SCAI: variants seen among roughly 807,000 people sequenced by gnomAD.
SCAI encodes the protein protein SCAI.
Under a neutral mutation model 92.2 loss-of-function variants are expected in SCAI, and 24 were observed. The observed-to-expected ratio is 0.26, with a 90% CI of 0.19 to 0.37. The LOEUF (loss-of-function observed/expected upper bound fraction) is 0.37, where lower values mean the gene tolerates loss of function less well. Ranked by LOEUF, SCAI falls within the 10% of genes least tolerant of loss-of-function variation. The pLI, the probability that SCAI is intolerant of heterozygous loss-of-function variation, is 1.00. For synonymous variants in SCAI, 261 were observed against 258.6 expected, an observed-to-expected ratio of 1.01 and a Z score of -0.09; for missense variants, 450 against 736.2, an observed-to-expected ratio of 0.61 and a Z score of 4.50.
chr9:125,098,038 CATATATATATGTGTATATACACAT>C (rs1389279518), intron 2 of SCAI, among the ~76,000 whole-genome samples: 1 of 150,516 alleles, frequency 6.6e-6, no homozygotes, highest in African/African-American at 2.4e-5. Flanking sequence ...TATACACACA[CATATATATATGTGTATATACACAT>C]ATATATATAT....
chr9:125,056,698 G>A (rs375068219), intron 2 of SCAI, among the ~76,000 whole-genome samples: 3 of 152,092 alleles, frequency 2.0e-5, no homozygotes, highest in African/African-American at 7.2e-5. Flanking sequence ...CCACAAATGG[G>A]AAAACACTTT....
At chr9:125,140,690 C>CAAA (rs35807255) in intron 2 of SCAI, among the ~76,000 whole-genome samples, 9,380 of 76,362 alleles carry the variant, frequency 0.12, 814 homozygotes, top group Non-Finnish European at 0.17. Flanking sequence ...CTTGTCTCTA[C>CAAA]AAAAAAAAAA....
chr9:124,943,697 A>G lies in SCAI; in HGVS notation c.*9110T>C, dbSNP rs895663803. 1 of 152,206 alleles carries G rather than the reference A, an allele frequency of 6.6e-6. No individual in the cohort carries two copies. The highest frequency in any genetic ancestry group is 6.5e-5 in the Admixed American group (1 of 15,284). 9.4% of individuals were successfully genotyped at this position (152,206 alleles called of 1,614,324 possible). ...CTGCCTAATAATCAGAATGTAGACAATAAGTTCAGCATTATTTTCAAGGGA... is the reference window on the plus strand; with the variant it reads ...CTGCCTAATAATCAGAATGTAGACAGTAAGTTCAGCATTATTTTCAAGGGA... On this transcript the variant is annotated 3_prime_UTR_variant, in exon 18 of 18. Transcript: ENST00000336505.
intron 2 of SCAI, among the ~76,000 whole-genome samples, chr9:125,074,258 CAAAA>C (rs1160696426): frequency 7.1e-5 from 6 of 84,828 alleles, no homozygotes; most frequent in Admixed American, 2.4e-4. Context: ...GACTCCATAT[CAAAA>C]AAAAAAAAAA....
intron 2 of SCAI, among the ~76,000 whole-genome samples, chr9:125,110,474 A>T (rs1260696397): frequency 6.6e-6 from 1 of 152,180 alleles, no homozygotes; most frequent in Non-Finnish European, 1.5e-5. Flanking sequence ...TATGGTTTGC[A>T]TCTGTATCCC....
chr9:125,061,519 G>A (rs1348270138), intron 2 of SCAI, among the ~76,000 whole-genome samples: 1 of 152,212 alleles, frequency 6.6e-6, no homozygotes, highest in Non-Finnish European at 1.5e-5. Flanking sequence ...CAACACTTTG[G>A]AGGCTGAGAA....
intron 3 of SCAI, among the ~76,000 whole-genome samples, chr9:125,049,058 A>C (rs1251392088): frequency 1.3e-5 from 2 of 152,110 alleles, no homozygotes; most frequent in East Asian, 3.8e-4. Flanking sequence ...AGCATATTTA[A>C]TAAAAATAAT....
In SCAI at chr9:125,044,407, C is replaced by T. The variant is rs115923519; in HGVS notation, c.230+11469G>A. On this transcript the variant is annotated intron_variant, in intron 3 of 17. Transcript: ENST00000336505. ...GAAAGGAGCTACCCACTCCTTTCTGCTGAGAGCTGGACACTTGCTGGGATG... is the reference window on the plus strand; with the variant it reads ...GAAAGGAGCTACCCACTCCTTTCTGTTGAGAGCTGGACACTTGCTGGGATG... Among the ~76,000 whole-genome samples, 1,137 of 152,224 alleles carry T rather than the reference C, an allele frequency of 7.5e-3. 10 individuals are homozygous for T. The highest frequency in any genetic ancestry group is 0.026 in the African/African-American group (1,077 of 41,540).
At chr9:125,098,955 T>C (rs1033260810) in intron 2 of SCAI, among the ~76,000 whole-genome samples, 2 of 152,180 alleles carry the variant, frequency 1.3e-5, no homozygotes, top group Admixed American at 6.5e-5. Context: ...TTCTTCTCAA[T>C]TGGCAAAATC....
intron 15 of SCAI, among the ~76,000 whole-genome samples, chr9:124,973,742 C>A (rs1042424879): frequency 3.9e-5 from 6 of 152,108 alleles, no homozygotes; most frequent in Non-Finnish European, 8.8e-5. Flanking sequence ...CAAGGAGAAT[C>A]GCTTGAACTT....
chr9:125,026,039 AT>A (rs1026147060), intron 6 of SCAI, among the ~76,000 whole-genome samples: 2 of 152,198 alleles, frequency 1.3e-5, no homozygotes, highest in Admixed American at 1.3e-4. Flanking sequence ...AAGATCTCTG[AT>A]TTCTTCCACA....
chr9:125,010,136 T>C (rs1337432075), intron 9 of SCAI, among the ~76,000 whole-genome samples: 1 of 152,156 alleles, frequency 6.6e-6, no homozygotes, highest in Non-Finnish European at 1.5e-5. Flanking sequence ...TGCATTTCCA[T>C]CTGAGGTACC....
chr9:125,044,540 T>C (rs1833396806), intron 3 of SCAI, among the ~76,000 whole-genome samples: 1 of 152,152 alleles, frequency 6.6e-6, no homozygotes, highest in South Asian at 2.1e-4. Context: ...AGGGGTCTCC[T>C]GAGAGCTCTT....
intron 2 of SCAI, among the ~76,000 whole-genome samples, chr9:125,064,439 T>C (rs1280145768): frequency 1.3e-5 from 2 of 151,690 alleles, no homozygotes; most frequent in Non-Finnish European, 1.5e-5. Context: ...AAATAAATAC[T>C]AATTCTATGC....
chr9:125,032,658 G>C (rs1833103335), intron 3 of SCAI, among the ~76,000 whole-genome samples: 1 of 146,696 alleles, frequency 6.8e-6, no homozygotes, highest in South Asian at 2.1e-4. Flanking sequence ...CTGTTGCCCA[G>C]GCTGGAGTGC....
At chr9:125,070,853 T>G (rs1409740541) in intron 2 of SCAI, among the ~76,000 whole-genome samples, 1 of 152,254 alleles carries the variant, frequency 6.6e-6, no homozygotes, top group African/African-American at 2.4e-5. Context: ...ATATCTGATA[T>G]GGTTTGGCTG....
chr9:125,028,549 C>A, intron 4 of SCAI, 71 bp from the exon 5 acceptor site: 1 of 751,304 alleles, frequency 1.3e-6, no homozygotes, highest in South Asian at 2.2e-5. Context: ...TCTGTAAATT[C>A]AATAGGATAA....
chr9:125,142,351 T>TAA (rs374622024), intron 2 of SCAI: 31 of 226,110 alleles, frequency 1.4e-4, no homozygotes, highest in Middle Eastern at 1.4e-3. Flanking sequence ...TGGCTAAGGT[T>TAA]AAAAAAAAAA....
At chr9:124,993,359 C>T (rs1365659619) in intron 14 of SCAI, among the ~76,000 whole-genome samples, 1 of 152,178 alleles carries the variant, frequency 6.6e-6, no homozygotes, top group Admixed American at 6.5e-5. Context: ...GAGGCCAAGG[C>T]GGGTGGATCA....
Sources: allele counts gnomAD v4.1 joint callset (sites outside exome capture counted in the v4.1 genomes callset), GRCh38; gene constraint gnomAD v4.1.1; transcripts MANE v1.5; gene names NCBI Gene and HGNC (gene_info 2026-07-23, HGNC 2026-07-21).